RSPH1: variants seen among roughly 807,000 people sequenced by gnomAD.
The protein encoded by RSPH1 is radial spoke head 1 homolog.
RSPH1 carries 32 observed loss-of-function variants against 44.2 expected under a neutral mutation model. That is an observed-to-expected ratio of 0.72 (90% CI 0.55 to 0.97). RSPH1 has a LOEUF of 0.97. Among genes scored for constraint, RSPH1 ranks in the 50% least tolerant of loss-of-function variants. The pLI, the probability that RSPH1 is intolerant of heterozygous loss-of-function variation, is 0.00. For missense variants in RSPH1, 391 were observed against 398.7 expected (o/e 0.98, Z 0.16); for synonymous variants, 134 against 147.3 (o/e 0.91, Z 0.65).
chr21:42,485,036 C>A (rs1395904555), intron 5 of RSPH1: 9 of 152,216 alleles, frequency 5.9e-5, no homozygotes, highest in African/African-American at 2.2e-4. Flanking sequence ...CTGATCAAAG[C>A]TACCACGATG....
At chr21:42,485,998 A>C in intron 4 of RSPH1, 194 bp from the exon 5 acceptor site, 1 of 681,410 alleles carries the variant, frequency 1.5e-6, no homozygotes, top group South Asian at 1.9e-5. Flanking sequence ...TGCCAGAGGC[A>C]CAGAGGACAG....
chr21:42,476,467 T>C lies in RSPH1; in HGVS notation c.728-420A>G, dbSNP rs564142599. 8.0e-4 allele frequency among the ~76,000 whole-genome samples: 121 copies of C among 152,168 alleles called. 1 individual carries two copies. Among genetic ancestry groups the C allele is most frequent in the Non-Finnish European group, 1.5e-3 (99 of 68,020 alleles). On this transcript the variant is annotated intron_variant, in intron 7 of 8. Coordinates refer to ENST00000291536, the MANE Select transcript of RSPH1 (RefSeq NM_080860.4). ...CAAGAAATTCTTAGCAGCATGAGTA[T>C]TCTTTCACGGAGGCCAATCGGAGTT... is the stretch of plus-strand genomic sequence containing the variant.
intron 3 of RSPH1, among the ~76,000 whole-genome samples, chr21:42,490,728 G>A (rs866851702): frequency 3.0e-4 from 46 of 152,158 alleles, no homozygotes; most frequent in African/African-American, 1.0e-3. Flanking sequence ...AAATGTTTTT[G>A]TTATTCAAAA....
At chr21:42,476,900 C>A (rs1250668190) in intron 7 of RSPH1, among the ~76,000 whole-genome samples, 1 of 152,182 alleles carries the variant, frequency 6.6e-6, no homozygotes, top group African/African-American at 2.4e-5. Context: ...AGAGTCCAAC[C>A]ACACCTGGCC....
intron 7 of RSPH1, among the ~76,000 whole-genome samples, chr21:42,476,298 T>A (rs2054049423): frequency 6.6e-6 from 1 of 151,880 alleles, no homozygotes; most frequent in African/African-American, 2.4e-5. Flanking sequence ...CTGAGGGTGT[T>A]GATGAGACTC....
chr21:42,489,748 A>C (rs2054217683), intron 3 of RSPH1, among the ~76,000 whole-genome samples: 1 of 151,962 alleles, frequency 6.6e-6, no homozygotes, highest in Non-Finnish European at 1.5e-5. Context: ...AAAAGCAGAG[A>C]GACTGCATGC....
chr21:42,489,157 T>C (rs947577494), intron 3 of RSPH1, among the ~76,000 whole-genome samples: 4 of 152,002 alleles, frequency 2.6e-5, no homozygotes, highest in Non-Finnish European at 5.9e-5. Context: ...AGTTGGCTGG[T>C]TGGTTGATTG....
intron 2 of RSPH1, 41 bp downstream of exon 2, chr21:42,492,925 T>C (rs1019836409): frequency 1.0e-5 from 16 of 1,593,390 alleles, no homozygotes; most frequent in Non-Finnish European, 1.4e-5. Flanking sequence ...TAACAGAGTA[T>C]TAAATAGAGA....
rs1156716529 is a variant in RSPH1, at chr21:42,496,165, C to A, written c.22G>T (p.Glu8Ter). 1 of 1,614,104 alleles carries A rather than the reference C, an allele frequency of 6.2e-7. No homozygotes were observed. The highest frequency in any genetic ancestry group is 1.7e-5 in the Admixed American group (1 of 60,014). Residue 8 changes from glutamate to a stop codon, truncating the protein, a stop_gained, in exon 1 of 9, where the codon GAG (glutamate) becomes TAG (stop). Coordinates refer to ENST00000291536, the MANE Select transcript of RSPH1 (RefSeq NM_080860.4). LOFTEE classifies it high-confidence loss of function. ...TCATTCTCTCCCTCCTCCTCCAACT[C>A]CTCCGAGCCCAGGTCCGACATGGTC... MSDLGSE[E>*]LEEEGENDIG... is the part of the protein sequence containing the mutation.
intron 4 of RSPH1, 24 bp downstream of exon 4, chr21:42,486,347 T>C (rs772682522): frequency 6.5e-6 from 10 of 1,528,388 alleles, no homozygotes; most frequent in African/African-American, 1.4e-5. Flanking sequence ...CAAATCCCGT[T>C]AAGACCCAAG....
intron 7 of RSPH1, among the ~76,000 whole-genome samples, chr21:42,476,838 C>T (rs1211308518): frequency 6.6e-6 from 1 of 152,170 alleles, no homozygotes; most frequent in African/African-American, 2.4e-5. Context: ...ATCCCAAAGG[C>T]TCTCCCTAAT....
At chr21:42,487,514 T>C (rs2054192247) in intron 3 of RSPH1, among the ~76,000 whole-genome samples, 1 of 152,238 alleles carries the variant, frequency 6.6e-6, no homozygotes, top group African/African-American at 2.4e-5. Flanking sequence ...CAAAGAGTAT[T>C]AGCTAACAAA....
intron 7 of RSPH1, 88 bp from the exon 8 acceptor site, chr21:42,476,135 G>A (rs963988200): frequency 3.6e-5 from 49 of 1,361,130 alleles, no homozygotes; most frequent in East Asian, 2.4e-4. Context: ...CTGGGCTGCC[G>A]TGCCCCCACC....
At chr21:42,486,169 G>C (rs1165582353) in intron 4 of RSPH1, 1 of 589,722 alleles carries the variant, frequency 1.7e-6, no homozygotes, top group Non-Finnish European at 3.0e-6. Context: ...CCCAACTGAG[G>C]TGCAGATGTC....
chr21:42,494,900 G>A (rs1461405408), intron 1 of RSPH1, among the ~76,000 whole-genome samples: 5 of 151,938 alleles, frequency 3.3e-5, no homozygotes, highest in African/African-American at 4.8e-5. Context: ...GGGTTTCACC[G>A]TGTTGCCCAG....
intron 3 of RSPH1, among the ~76,000 whole-genome samples, chr21:42,488,881 A>G (rs894427130): frequency 6.6e-6 from 1 of 150,980 alleles, no homozygotes; most frequent in Admixed American, 6.6e-5. Context: ...TTTGCACTTA[A>G]TTTTTTTTTT....
Position 42,474,005 on chromosome 21 carries a change from G to C in RSPH1, c.878-1135C>G, listed in dbSNP as rs150735463. 5.3e-3 allele frequency among the ~76,000 whole-genome samples: 810 copies of C among 152,208 alleles called. 9 individuals are homozygous for C. The highest frequency in any genetic ancestry group is 0.018 in the African/African-American group (767 of 41,526). ...CGCTGGTACTGGGCATCGTCCACTCGGCCCCATCTCTCCCAGTCCGGTTTT... is the reference window on the plus strand; with the variant it reads ...CGCTGGTACTGGGCATCGTCCACTCCGCCCCATCTCTCCCAGTCCGGTTTT... On this transcript the variant is annotated intron_variant, in intron 8 of 8. Coordinates refer to ENST00000291536, the MANE Select transcript of RSPH1 (RefSeq NM_080860.4). The surrounding 1 kb of genome is among the most constrained non-coding windows in gnomAD (Gnocchi z 5.2).
At chr21:42,492,730 G>A (rs779250245) in intron 3 of RSPH1, 28 bp downstream of exon 3, 19 of 1,361,020 alleles carry the variant, frequency 1.4e-5, no homozygotes, top group Middle Eastern at 1.8e-4. Context: ...TCTGTAACAC[G>A]AAAATCTGCT....
intron 8 of RSPH1, among the ~76,000 whole-genome samples, chr21:42,473,154 C>T (rs1259796457): frequency 1.3e-5 from 2 of 152,154 alleles, no homozygotes; most frequent in Non-Finnish European, 2.9e-5. Flanking sequence ...TCCAAAACAG[C>T]CAGCTTTGTG....
Sources: allele counts gnomAD v4.1 joint callset (sites outside exome capture counted in the v4.1 genomes callset), GRCh38; gene constraint gnomAD v4.1.1; non-coding constraint Gnocchi (gnomAD v3.1); transcripts MANE v1.5; gene names NCBI Gene and HGNC (gene_info 2026-07-23, HGNC 2026-07-21).